Variants in ITGA2 observed in about 807,000 individuals in gnomAD.
ITGA2 encodes the protein integrin subunit alpha 2.
Under a neutral mutation model 146.3 loss-of-function variants are expected in ITGA2, and 101 were observed. That is an observed-to-expected ratio of 0.69 (90% CI 0.59 to 0.81). The LOEUF is 0.81. ITGA2 is among the 40% of genes least tolerant of loss of function. The pLI is 0.00. For synonymous variants in ITGA2, 477 were observed against 487.1 expected (o/e 0.98, Z 0.27); for missense variants, 1,281 against 1,402.7 (o/e 0.91, Z 1.39).
Position 53,086,873 on chromosome 5 carries a change from T to C in ITGA2, c.3259-79T>C, listed in dbSNP as rs3212698. On this transcript the variant is annotated intron_variant, in intron 27 of 29. Transcript: ENST00000296585. ...TTGTCACATTCCACCAGGAAATAAA[T>C]ACATAAATCATAAGCATGCCAGCTT... The C allele has an allele frequency of 4.6e-3, 5,211 of 1,129,678 alleles. 38 individuals carry two copies. Among genetic ancestry groups the C allele is most frequent in the Non-Finnish European group, 4.2e-3 (3,154 of 752,368 alleles). 70.0% of individuals were successfully genotyped at this position (1,129,678 alleles called of 1,614,324 possible). A position where few individuals can be genotyped will look rare whatever the true frequency, so the allele number is the denominator to read the frequency against.
At chr5:53,004,069 C>T (rs1389383503) in intron 1 of ITGA2, among the ~76,000 whole-genome samples, 2 of 152,056 alleles carry the variant, frequency 1.3e-5, no homozygotes, top group African/African-American at 4.8e-5. Context: ...GGATATTGAT[C>T]ATCAGCCCTG....
chr5:53,080,607 G>C lies in ITGA2; in HGVS notation c.3025G>C (p.Val1009Leu). The change falls in exon 25 of 30, where the codon GTG becomes CTG. Residue 1009 changes from valine (V) to leucine (L), a missense_variant. Val to Leu is a conservative substitution (Grantham distance 32). Coordinates refer to ENST00000296585, the MANE Select transcript of ITGA2 (RefSeq NM_002203.4). ...GAACCCACTGATGTACCTAACTGGG[G>C]TGCAAACAGACAAGGTAAAGATTAA... ...EKNPLMYLTG[V>L]QTDKAGDISC... 6.2e-7 allele frequency: 1 copy of C among 1,612,258 alleles called. No homozygotes were observed. The highest frequency in any genetic ancestry group is 1.3e-5 in the African/African-American group (1 of 74,958).
chr5:53,002,680 G>GT (rs1293916769), intron 1 of ITGA2, among the ~76,000 whole-genome samples: 6 of 152,082 alleles, frequency 3.9e-5, no homozygotes, highest in Non-Finnish European at 8.8e-5. Flanking sequence ...TGTACAAGAA[G>GT]TTTTTTCTTT....
intron 1 of ITGA2, among the ~76,000 whole-genome samples, chr5:52,993,347 T>G (rs1741067765): frequency 6.6e-6 from 1 of 152,220 alleles, no homozygotes; most frequent in Non-Finnish European, 1.5e-5. Flanking sequence ...ACTGTTTGAC[T>G]TAAATTTATG....
Position 53,081,682 on chromosome 5 carries a change from C to A in ITGA2, c.3130C>A (p.His1044Asn), listed in dbSNP as rs1174808959. 1 of 1,610,414 alleles carries A rather than the reference C, an allele frequency of 6.2e-7. No homozygotes were observed. Among genetic ancestry groups the A allele is most frequent in the South Asian group, 1.1e-5 (1 of 90,838 alleles). The change falls in exon 26 of 30, where the codon CAC becomes AAC. Residue 1044 changes from histidine (H) to asparagine (N), a missense_variant. Physicochemically the swap from His to Asn is moderately conservative, Grantham distance 68. Transcript: ENST00000296585. ...ATCTTTCAAAAGTGAAAATTTCAGG[C>A]ACACCAAAGAATTGGTGAGGACAAG... Reference protein sequence around the residue: ...SVSFKSENFRHTKELNCRTAS... With the variant: ...SVSFKSENFRNTKELNCRTAS...
intron 23 of ITGA2, among the ~76,000 whole-genome samples, chr5:53,076,026 G>C (rs1745647912): frequency 6.6e-6 from 1 of 152,032 alleles, no homozygotes; most frequent in Non-Finnish European, 1.5e-5. Flanking sequence ...GTCTTGGTAA[G>C]TGGGTAACAC....
chr5:53,061,439 A>C (rs1156866362), intron 12 of ITGA2, among the ~76,000 whole-genome samples: 1 of 151,974 alleles, frequency 6.6e-6, no homozygotes, highest in African/African-American at 2.4e-5. Flanking sequence ...AGGTAAGCAC[A>C]CACTAGGAAC....
At chr5:53,078,922 GA>G (rs749129719) in intron 24 of ITGA2, 48 bp downstream of exon 24, 72 of 988,212 alleles carry the variant, frequency 7.3e-5, no homozygotes, top group Middle Eastern at 2.1e-4. Flanking sequence ...AAAGTGAGAA[GA>G]AAAAAAATGA....
intron 2 of ITGA2, among the ~76,000 whole-genome samples, chr5:53,039,400 T>A (rs1188355586): frequency 1.3e-5 from 2 of 152,180 alleles, no homozygotes; most frequent in Non-Finnish European, 2.9e-5. Context: ...GAATGTATAA[T>A]GCTTCCCTCT....
At chr5:53,028,667 C>A (rs1477539976) in intron 2 of ITGA2, among the ~76,000 whole-genome samples, 1 of 152,140 alleles carries the variant, frequency 6.6e-6, no homozygotes, top group Non-Finnish European at 1.5e-5. Context: ...ACTTTAATGC[C>A]CAGTAGACAT....
At chr5:53,004,729 C>T (rs1457291141) in intron 1 of ITGA2, among the ~76,000 whole-genome samples, 2 of 151,938 alleles carry the variant, frequency 1.3e-5, no homozygotes, top group African/African-American at 2.4e-5. Context: ...AATGTTATGC[C>T]ACTGCATTCC....
chr5:53,036,449 C>T (rs1743497307), intron 2 of ITGA2, among the ~76,000 whole-genome samples: 1 of 152,334 alleles, frequency 6.6e-6, no homozygotes, highest in African/African-American at 2.4e-5. Flanking sequence ...CACTATCCCC[C>T]TCACTCATTC....
intron 23 of ITGA2, among the ~76,000 whole-genome samples, chr5:53,078,028 G>A (rs1006181853): frequency 2.6e-5 from 4 of 152,038 alleles, no homozygotes; most frequent in Non-Finnish European, 4.4e-5. Context: ...GAGGAGAGGG[G>A]AGGTCCCCAG....
At chr5:53,048,599 G>T in intron 5 of ITGA2, 44 bp from the exon 6 acceptor site, 1 of 1,613,904 alleles carries the variant, frequency 6.2e-7, no homozygotes, top group South Asian at 1.1e-5. Flanking sequence ...TGTGAAATAT[G>T]ACTTACCTGT....
intron 1 of ITGA2, among the ~76,000 whole-genome samples, chr5:52,994,280 G>C (rs1218459485): frequency 6.6e-6 from 1 of 152,200 alleles, no homozygotes. Context: ...AAAGGAAATT[G>C]TCTCAGCCCT....
chr5:52,992,319 A>G (rs150767642), intron 1 of ITGA2, among the ~76,000 whole-genome samples: 164 of 151,872 alleles, frequency 1.1e-3, no homozygotes, highest in African/African-American at 3.8e-3. Context: ...CATTCTGCAG[A>G]TTGTCTCTGG....
Position 53,048,360 on chromosome 5 carries a change from A to T in ITGA2, c.388-3A>T. On this transcript the variant is annotated splice_region_variant and splice_polypyrimidine_tract_variant and intron_variant, in intron 4 of 29. Transcript: ENST00000296585. ...CATTGATTGTTTTCTCATTTCTTTG[A>T]AGACATGTGGTCCTCTGTGGGCACA... The T allele has an allele frequency of 6.2e-7, 1 of 1,610,290 alleles. No individual in the cohort carries two copies. Among genetic ancestry groups the T allele is most frequent in the Non-Finnish European group, 8.5e-7 (1 of 1,176,500 alleles).
intron 7 of ITGA2, 84 bp downstream of exon 7, chr5:53,051,643 A>G (rs1744371603): frequency 7.2e-7 from 1 of 1,389,244 alleles, no homozygotes; most frequent in Non-Finnish European, 1.0e-6. Flanking sequence ...TAAGGAAAAG[A>G]CAAAGAAAAA....
chr5:53,085,532 A>C (rs1436440454), intron 27 of ITGA2, among the ~76,000 whole-genome samples: 5 of 152,122 alleles, frequency 3.3e-5, no homozygotes. Flanking sequence ...TTTTTCTTAA[A>C]CTTAAACCAT....
Sources: allele counts gnomAD v4.1 joint callset (sites outside exome capture counted in the v4.1 genomes callset), GRCh38; gene constraint gnomAD v4.1.1; transcripts MANE v1.5; gene names NCBI Gene and HGNC (gene_info 2026-07-23, HGNC 2026-07-21).